The following MYO7B variants were observed in gnomAD, a reference collection of about 807,000 sequenced individuals.
MYO7B encodes unconventional myosin-VIIb.
MYO7B carries 212 observed loss-of-function variants against 259.7 expected under a neutral mutation model. The ratio of observed to expected loss-of-function variants is 0.82; its 90% CI spans 0.73 to 0.91. MYO7B has a LOEUF of 0.91. MYO7B is among the 40% of genes least tolerant of loss of function. The probability of loss-of-function intolerance (pLI) is 0.00; values close to 1 mark genes in which losing one functional copy is unlikely to be tolerated. For missense variants in MYO7B, 2,732 were observed against 2,813.5 expected (o/e 0.97, Z 0.66); for synonymous variants, 1,197 against 1,166.4 (o/e 1.03, Z -0.54).
Position 127,612,281 on chromosome 2 carries a change from A to G in MYO7B, c.3224A>G (p.Asp1075Gly), listed in dbSNP as rs1231176218. The G allele has an allele frequency of 1.9e-5, 14 of 736,250 alleles. No homozygotes were observed. Among genetic ancestry groups the G allele is most frequent in the Non-Finnish European group, 3.1e-5 (13 of 425,704 alleles). The allele number at this position is 736,250 out of a possible 1,614,324, so 45.6% of individuals were successfully genotyped here. ...RSGCKDKGTK[D>G]ISSMKLKRSS... is the part of the protein sequence containing the mutation. ...GGCTGCAAGGACAAGGGGACCAAGG[A>G]TATCTCCTCCATGAAGCTGAAGCGG... is the stretch of plus-strand genomic sequence containing the variant. The change falls in exon 25 of 48, where the codon GAT becomes GGT. Residue 1075 changes from aspartate to glycine, a missense_variant. By Grantham distance (94) the Asp-to-Gly change is moderately conservative. Around this residue, in one of 3 missense-constraint regions of MYO7B, gnomAD observed 1,906 missense variants for 2,026.4 expected, o/e 0.94. Coordinates refer to ENST00000409816, the MANE Select transcript of MYO7B (RefSeq NM_001393586.1).
intron 6 of MYO7B, among the ~76,000 whole-genome samples, chr2:127,571,453 T>TTG (rs1558806959): frequency 1.5e-4 from 15 of 101,714 alleles, no homozygotes; most frequent in Non-Finnish European, 2.1e-4. Flanking sequence ...TTTTTTTTTT[T>TTG]TTTTTTGCTT....
chr2:127,595,848 G>A (rs1041901920), intron 18 of MYO7B, among the ~76,000 whole-genome samples: 5 of 152,120 alleles, frequency 3.3e-5, no homozygotes, highest in Non-Finnish European at 7.4e-5. Context: ...TATGTTTTCC[G>A]TTCTTTTGCA....
chr2:127,592,350 G>A (rs1432956447), intron 16 of MYO7B, among the ~76,000 whole-genome samples: 1 of 152,152 alleles, frequency 6.6e-6, no homozygotes, highest in African/African-American at 2.4e-5. Flanking sequence ...AGCAGAGATC[G>A]TGCCACTGCA....
At chr2:127,622,576 A>T (rs1397938741) in intron 28 of MYO7B, among the ~76,000 whole-genome samples, 4 of 150,082 alleles carry the variant, frequency 2.7e-5, no homozygotes, top group African/African-American at 9.8e-5. Flanking sequence ...TGGCGAGAGC[A>T]CACCTGCACC....
At chr2:127,579,149 G>A (rs886403661) in intron 9 of MYO7B, among the ~76,000 whole-genome samples, 2 of 152,180 alleles carry the variant, frequency 1.3e-5, no homozygotes, top group Admixed American at 6.5e-5. Flanking sequence ...AGATGTCAGA[G>A]AGAAGGTGGA....
chr2:127,624,231 C>T lies in MYO7B; in HGVS notation c.3958C>T (p.His1320Tyr). The T allele has an allele frequency of 6.3e-7, 1 of 1,597,432 alleles. No homozygotes were observed. Among genetic ancestry groups the T allele is most frequent in the Non-Finnish European group, 8.5e-7 (1 of 1,172,734 alleles). The change falls in exon 30 of 48, where the codon CAC (histidine) becomes TAC (tyrosine). Residue 1320 changes from histidine to tyrosine, a missense_variant. Physicochemically the swap from His to Tyr is moderately conservative, Grantham distance 83 (BLOSUM62 2). Around this residue, in one of 3 missense-constraint regions of MYO7B, gnomAD observed 1,906 missense variants for 2,026.4 expected, o/e 0.94. Transcript: ENST00000409816. Reference protein sequence around the residue: ...YFRKEFFTPWHDSREDPVSTE... With the variant: ...YFRKEFFTPWYDSREDPVSTE... The stretch of plus-strand genomic sequence containing the variant: ...CCGGAAGGAATTCTTCACCCCCTGG[C>T]ACGACTCCCGGGAGGACCCTGTCAG...
intron 16 of MYO7B, among the ~76,000 whole-genome samples, chr2:127,592,218 A>T (rs1030800644): frequency 3.9e-5 from 6 of 151,938 alleles, no homozygotes; most frequent in Non-Finnish European, 7.4e-5. Context: ...ACATGGTGAA[A>T]CTCCGTCTTT....
intron 7 of MYO7B, 90 bp downstream of exon 7, chr2:127,574,152 T>C: frequency 6.5e-7 from 1 of 1,529,634 alleles, no homozygotes; most frequent in African/African-American, 1.4e-5. Flanking sequence ...TCTCCTCCCC[T>C]CTTCCCCAAG....
At chr2:127,589,279 GTGGATGGGTGGGTGGGTGGATGGATAGA>G (rs1679447732) in intron 15 of MYO7B, among the ~76,000 whole-genome samples, 2 of 135,190 alleles carry the variant, frequency 1.5e-5, no homozygotes, top group African/African-American at 5.5e-5. Context: ...GGATGGGTGG[GTGGATGGGTGGGTGGGTGGATGGATAGA>G]TGGATGGGTG....
At chr2:127,589,459 TAGG>T (rs1679457343) in intron 15 of MYO7B, among the ~76,000 whole-genome samples, 2 of 148,714 alleles carry the variant, frequency 1.3e-5, no homozygotes, top group Non-Finnish European at 1.5e-5. Flanking sequence ...AGAGTTTAGA[TAGG>T]AGAAGTGACT....
intron 47 of MYO7B, 127 bp downstream of exon 47, chr2:127,637,040 G>T (rs1681870081): frequency 6.8e-7 from 1 of 1,476,458 alleles, no homozygotes; most frequent in African/African-American, 1.4e-5. Flanking sequence ...GGCGGGGCCA[G>T]CAGATCTGGA....
At chr2:127,580,640 GTCC>G (rs1679060464) in intron 9 of MYO7B, 103 bp from the exon 10 acceptor site, 1 of 1,099,646 alleles carries the variant, frequency 9.1e-7, no homozygotes, top group Non-Finnish European at 1.3e-6. Context: ...CAGGGCAGCT[GTCC>G]TCCTGAGTGG....
At position 127,564,161 on chromosome 2, in the gene MYO7B, C is replaced by CGT. The variant is rs745981815; in HGVS notation, c.31_32dup (p.Trp11CysfsTer61). The stretch of plus-strand genomic sequence containing the variant: ...TTCTGTCTGCCCTCCAGGGTGACCA[C>CGT]GTGTGGCTGGAGCCTCCCTCCACCC... On this transcript the variant is annotated frameshift_variant, in exon 3 of 48. Coordinates refer to ENST00000409816, the MANE Select transcript of MYO7B (RefSeq NM_001393586.1). LOFTEE classifies it high-confidence loss of function. 2.6e-6 allele frequency: 4 copies of CGT among 1,563,782 alleles called. No individual in the cohort carries two copies. The highest frequency in any genetic ancestry group is 2.7e-5 in the African/African-American group (2 of 73,818).
chr2:127,564,309 C>T (rs1390561585), intron 3 of MYO7B, 43 bp downstream of exon 3: 3 of 1,461,428 alleles, frequency 2.1e-6, no homozygotes, highest in Non-Finnish European at 2.8e-6. Context: ...CCTGCCCTCA[C>T]ATCCAGGGCC....
chr2:127,620,474 G>T lies in MYO7B; in HGVS notation c.3525+8G>T, dbSNP rs745811337. On this transcript the variant is annotated splice_region_variant and intron_variant, in intron 27 of 47. Coordinates refer to ENST00000409816, the MANE Select transcript of MYO7B (RefSeq NM_001393586.1). ...TCAGAGAGGTTCATGAAGGTGAGAG[G>T]GTTCATGAAGGGAGGGCGGGCAGGG... 3 of 1,542,304 alleles carry T rather than the reference G, an allele frequency of 1.9e-6. No homozygotes were observed. The Admixed American group carries it at 5.4e-5, about 28-fold the overall frequency.
intron 40 of MYO7B, among the ~76,000 whole-genome samples, 185 bp from the exon 41 acceptor site, chr2:127,633,991 A>T (rs954065659): frequency 1.3e-5 from 2 of 152,242 alleles, no homozygotes; most frequent in African/African-American, 4.8e-5. Flanking sequence ...AGGACAGCGA[A>T]TGCTGGGACT....
rs558949988 is a variant in MYO7B, at chr2:127,592,738, G to T, written c.1993-56G>T. The T allele has an allele frequency of 4.6e-5, 72 of 1,568,852 alleles. No individual in the cohort carries two copies. The Admixed American group carries it at 6.8e-4, about 15-fold the overall frequency. ...TGCCCGGTGGTGGGGTGCCGGGAAGGGGGGTGGCTGGAAAGTGGGGCTTGC... is the reference window on the plus strand; with the variant it reads ...TGCCCGGTGGTGGGGTGCCGGGAAGTGGGGTGGCTGGAAAGTGGGGCTTGC... On this transcript the variant is annotated intron_variant, in intron 16 of 47. Coordinates refer to ENST00000409816, the MANE Select transcript of MYO7B (RefSeq NM_001393586.1).
At position 127,630,898 on chromosome 2, in the gene MYO7B, G is replaced by A; in HGVS notation, c.4927G>A (p.Glu1643Lys). 1 of 1,581,544 alleles carries A rather than the reference G, an allele frequency of 6.3e-7. No homozygotes were observed. The highest frequency in any genetic ancestry group is 8.6e-7 in the Non-Finnish European group (1 of 1,164,044). Residue 1643 changes from glutamate (E) to lysine (K), a missense_variant, in exon 36 of 48, where the codon GAG becomes AAG. Transcript: ENST00000409816. ...KLHTLEEFSYEFFRAPEKDMV... is the reference protein window; with the variant it reads ...KLHTLEEFSYKFFRAPEKDMV... ...GCACACCCTGGAGGAGTTCTCCTAT[G>A]AGTTCTTCAGGTGCCCCCCAGCCCC... is the stretch of plus-strand genomic sequence containing the variant.
At chr2:127,622,427 C>T (rs1558842760) in intron 28 of MYO7B, among the ~76,000 whole-genome samples, 2 of 152,218 alleles carry the variant, frequency 1.3e-5, no homozygotes, top group African/African-American at 4.8e-5. Context: ...GTGACAAGGG[C>T]AGTAGTCACA....
Sources: allele counts gnomAD v4.1 joint callset (sites outside exome capture counted in the v4.1 genomes callset), GRCh38; gene constraint gnomAD v4.1.1; regional missense constraint gnomAD v4.1.1; transcripts MANE v1.5; gene names NCBI Gene and HGNC (gene_info 2026-07-23, HGNC 2026-07-21).